TFCP2: variants seen among roughly 807,000 people sequenced by gnomAD.
The protein encoded by TFCP2 is transcription factor CP2.
In TFCP2, 33 loss-of-function variants were observed where a neutral mutation model predicts 73.4. That is an observed-to-expected ratio of 0.45 (90% CI 0.34 to 0.60). The LOEUF (loss-of-function observed/expected upper bound fraction) is 0.60, where lower values mean the gene tolerates loss of function less well. Among genes scored for constraint, TFCP2 ranks in the 20% least tolerant of loss-of-function variants. TFCP2 has a pLI of 0.01. For synonymous variants in TFCP2, 193 were observed against 211.6 expected (o/e 0.91, Z 0.76); for missense variants, 352 against 604.0 (o/e 0.58, Z 4.37).
intron 6 of TFCP2, among the ~76,000 whole-genome samples, chr12:51,107,586 A>G (rs1940280272): frequency 6.6e-6 from 1 of 152,182 alleles, no homozygotes; most frequent in African/African-American, 2.4e-5. Context: ...AGTTCACTGA[A>G]AAAAATCAAG....
chr12:51,139,185 G>A (rs1941133235), intron 1 of TFCP2, among the ~76,000 whole-genome samples: 1 of 152,126 alleles, frequency 6.6e-6, no homozygotes, highest in Admixed American at 6.6e-5. Context: ...CCTGCAGCCA[G>A]AGTAACTTTT....
chr12:51,107,171 G>C (rs917239278), intron 7 of TFCP2, 65 bp downstream of exon 7: 1 of 1,311,122 alleles, frequency 7.6e-7, no homozygotes, highest in Non-Finnish European at 1.1e-6. Context: ...GACCAGTTTG[G>C]AAGTGATGAA....
chr12:51,168,590 T>A (rs981970267), intron 1 of TFCP2, among the ~76,000 whole-genome samples: 2 of 151,970 alleles, frequency 1.3e-5, no homozygotes, highest in African/African-American at 4.8e-5. Context: ...GCTCAAACGA[T>A]CCTCCCATCT....
chr12:51,169,584 G>A (rs573289477), intron 1 of TFCP2, among the ~76,000 whole-genome samples: 28 of 152,056 alleles, frequency 1.8e-4, no homozygotes, highest in African/African-American at 5.8e-4. Context: ...AAAGCCAGGC[G>A]TAGTGTTATA....
chr12:51,132,396 T>C (rs1940967650), intron 1 of TFCP2, among the ~76,000 whole-genome samples: 1 of 106,984 alleles, frequency 9.3e-6, no homozygotes, highest in African/African-American at 3.3e-5. Context: ...TTAGACAGAG[T>C]CTCGCTCTAT....
chr12:51,145,495 G>T (rs1393736033), intron 1 of TFCP2, among the ~76,000 whole-genome samples: 1 of 149,970 alleles, frequency 6.7e-6, no homozygotes, highest in Non-Finnish European at 1.5e-5. Flanking sequence ...GAACCCAGGA[G>T]GTGAAGGTTG....
intron 1 of TFCP2, among the ~76,000 whole-genome samples, chr12:51,168,168 G>C (rs952760190): frequency 6.6e-6 from 1 of 152,264 alleles, no homozygotes; most frequent in East Asian, 1.9e-4. Flanking sequence ...GGCCAAGGGG[G>C]AAGAACTGTT....
intron 1 of TFCP2, among the ~76,000 whole-genome samples, chr12:51,147,300 G>A (rs151235771): frequency 4.0e-5 from 6 of 151,678 alleles, no homozygotes; most frequent in Admixed American, 6.6e-5. Context: ...CCGAGATTGC[G>A]CCACTGCACT....
At chr12:51,133,718 G>A (rs562165143) in intron 1 of TFCP2, among the ~76,000 whole-genome samples, 4 of 152,242 alleles carry the variant, frequency 2.6e-5, no homozygotes, top group African/African-American at 7.2e-5. Context: ...CTTAAGGTCA[G>A]GAGTTTGAGA....
At chr12:51,126,493 A>G (rs1302346604) in intron 1 of TFCP2, among the ~76,000 whole-genome samples, 1 of 152,074 alleles carries the variant, frequency 6.6e-6, no homozygotes, top group Non-Finnish European at 1.5e-5. Flanking sequence ...GCAGCCCTGA[A>G]TGGTCTCTAA....
In TFCP2 at chr12:51,142,203, C is replaced by CAAAAAAA. The variant is rs3053458; in HGVS notation, c.123-23438_123-23432dup. The stretch of plus-strand genomic sequence containing the variant: ...TGGGTGACAGAGCAAGACTCTGTCG[C>CAAAAAAA]AAAAAAAAAAAAAAAAAAAAAAAAA... On this transcript the variant is annotated intron_variant, in intron 1 of 14. Coordinates refer to ENST00000257915, the MANE Select transcript of TFCP2 (RefSeq NM_005653.5). Among the ~76,000 whole-genome samples, 11 of 52,738 alleles carry CAAAAAAA rather than the reference C, an allele frequency of 2.1e-4. 1 individual carries two copies. Among genetic ancestry groups the CAAAAAAA allele is most frequent in the South Asian group, 1.3e-3 (1 of 798 alleles). The allele number at this position is 52,738 out of a possible 152,430, so 34.6% of individuals were successfully genotyped here. A position where few individuals can be genotyped will look rare whatever the true frequency, so the allele number is the denominator to read the frequency against.
chr12:51,148,661 C>T (rs1941350133), intron 1 of TFCP2, among the ~76,000 whole-genome samples: 1 of 142,410 alleles, frequency 7.0e-6, no homozygotes, highest in Admixed American at 7.3e-5. Context: ...GATTGCACCA[C>T]TGCACTCCAG....
chr12:51,153,759 A>C (rs1565722), intron 1 of TFCP2, among the ~76,000 whole-genome samples: 1 of 152,204 alleles, frequency 6.6e-6, no homozygotes, highest in Non-Finnish European at 1.5e-5. Flanking sequence ...ATAATATTCC[A>C]TCATATGTAT....
In TFCP2 at chr12:51,103,775, A is replaced by G. The variant is rs780013703; in HGVS notation, c.967-12T>C. The G allele has an allele frequency of 9.0e-5, 144 of 1,606,928 alleles. No individual in the cohort carries two copies. Among genetic ancestry groups the G allele is most frequent in the Non-Finnish European group, 1.2e-4 (140 of 1,176,252 alleles). On this transcript the variant is annotated splice_polypyrimidine_tract_variant and intron_variant, in intron 9 of 14. Transcript: ENST00000257915. ...GTTGGTAAGAGGTTCTGAAAGGGAG[A>G]GCACGTTTTTTAGATAACCAAATAG...
At chr12:51,155,752 A>G in intron 1 of TFCP2, among the ~76,000 whole-genome samples, 1 of 152,198 alleles carries the variant, frequency 6.6e-6, no homozygotes, top group Non-Finnish European at 1.5e-5. Context: ...AAGAAATGTT[A>G]GTCTATAGGC....
At chr12:51,098,645 G>A in intron 13 of TFCP2, 131 bp downstream of exon 13, 1 of 1,101,634 alleles carries the variant, frequency 9.1e-7, no homozygotes, top group South Asian at 1.7e-5. Context: ...AAATTAGGAG[G>A]AAAGCAAGCA....
intron 9 of TFCP2, 108 bp from the exon 10 acceptor site, chr12:51,103,871 G>C (rs1940169045): frequency 1.1e-6 from 1 of 905,928 alleles, no homozygotes; most frequent in Admixed American, 2.4e-5. Context: ...GGCCTAGTTT[G>C]TGAAAGTTGT....
At chr12:51,170,869 G>A (rs954614374) in intron 1 of TFCP2, among the ~76,000 whole-genome samples, 3 of 151,810 alleles carry the variant, frequency 2.0e-5, no homozygotes, top group Non-Finnish European at 4.4e-5. Context: ...TAGTAGAGAC[G>A]GGGTTTCACC....
intron 1 of TFCP2, among the ~76,000 whole-genome samples, chr12:51,164,468 G>C (rs1344792051): frequency 6.6e-6 from 1 of 151,400 alleles, no homozygotes; most frequent in Non-Finnish European, 1.5e-5. Flanking sequence ...ACGGTGGCAG[G>C]CACCTGTAAT....
Sources: allele counts gnomAD v4.1 joint callset (sites outside exome capture counted in the v4.1 genomes callset), GRCh38; gene constraint gnomAD v4.1.1; transcripts MANE v1.5; gene names NCBI Gene and HGNC (gene_info 2026-07-23, HGNC 2026-07-21).